Variants in DSCAM observed in about 807,000 individuals in gnomAD.
DSCAM encodes the protein cell adhesion molecule DSCAM.
Under a neutral mutation model 217.7 loss-of-function variants are expected in DSCAM, and 47 were observed. The observed-to-expected ratio is 0.22, with a 90% CI of 0.17 to 0.28. The LOEUF (loss-of-function observed/expected upper bound fraction) is 0.28, where lower values mean the gene tolerates loss of function less well. Among genes scored for constraint, DSCAM ranks in the 10% least tolerant of loss-of-function variants. DSCAM has a pLI of 1.00. For synonymous variants in DSCAM, 1,056 were observed against 1,015.3 expected (o/e 1.04, Z -0.76); for missense variants, 2,080 against 2,618.3 (o/e 0.79, Z 4.49).
intron 5 of DSCAM, among the ~76,000 whole-genome samples, chr21:40,350,111 G>A (rs1054919186): frequency 2.0e-5 from 3 of 151,874 alleles, no homozygotes; most frequent in Non-Finnish European, 4.4e-5. Context: ...CTACAGGTTT[G>A]TTTACACCTT....
chr21:40,471,942 G>A (rs866101232), intron 3 of DSCAM, among the ~76,000 whole-genome samples: 4 of 151,768 alleles, frequency 2.6e-5, no homozygotes, highest in East Asian at 1.9e-4. Flanking sequence ...ATTCCTCCCC[G>A]TTCTCCCCAT....
intron 3 of DSCAM, among the ~76,000 whole-genome samples, chr21:40,644,529 T>A (rs936925389): frequency 1.3e-5 from 2 of 152,194 alleles, no homozygotes; most frequent in Admixed American, 6.5e-5. Context: ...TGGTCCACTG[T>A]GGGCCAAGTC....
At chr21:40,508,537 CATTTTAAAATTAGT>C (rs1457485245) in intron 3 of DSCAM, among the ~76,000 whole-genome samples, 1 of 151,466 alleles carries the variant, frequency 6.6e-6, no homozygotes, top group Non-Finnish European at 1.5e-5. Flanking sequence ...AGACAAACAA[CATTTTAAAATTAGT>C]ATTGCTGTTG....
chr21:40,169,068 AAC>A (rs2090627930), intron 15 of DSCAM, among the ~76,000 whole-genome samples: 1 of 152,204 alleles, frequency 6.6e-6, no homozygotes, highest in Non-Finnish European at 1.5e-5. Flanking sequence ...ACAAAAGGTA[AAC>A]TTGAAGGAAT....
chr21:40,461,548 G>A (rs1278396301), intron 3 of DSCAM, among the ~76,000 whole-genome samples: 1 of 152,072 alleles, frequency 6.6e-6, no homozygotes, highest in African/African-American at 2.4e-5. Flanking sequence ...CTGGGGTCTG[G>A]GGGGAGGCAG....
intron 4 of DSCAM, among the ~76,000 whole-genome samples, chr21:40,363,470 C>T (rs2074791591): frequency 6.6e-6 from 1 of 151,982 alleles, no homozygotes; most frequent in East Asian, 1.9e-4. Flanking sequence ...CCAGGCTGGT[C>T]TTGAACTCCT....
At chr21:40,296,317 C>T (rs1467022622) in intron 9 of DSCAM, 143 bp from the exon 10 acceptor site, 19 of 1,027,030 alleles carry the variant, frequency 1.8e-5, no homozygotes, top group South Asian at 1.9e-5. Flanking sequence ...ACACTATTGG[C>T]AGTTTGGGAC....
chr21:40,463,385 G>A (rs1343014895), intron 3 of DSCAM, among the ~76,000 whole-genome samples: 2 of 152,056 alleles, frequency 1.3e-5, no homozygotes, highest in Non-Finnish European at 1.5e-5. Context: ...AGAAATGCAA[G>A]CCTCACTGCT....
chr21:40,789,189 G>C (rs1601261162), intron 1 of DSCAM, among the ~76,000 whole-genome samples: 1 of 151,212 alleles, frequency 6.6e-6, no homozygotes, highest in East Asian at 1.9e-4. Flanking sequence ...AGAAGACAGA[G>C]AATGAAACCA....
At chr21:40,617,597 C>G (rs2089421159) in intron 3 of DSCAM, among the ~76,000 whole-genome samples, 1 of 152,232 alleles carries the variant, frequency 6.6e-6, no homozygotes, top group Non-Finnish European at 1.5e-5. Flanking sequence ...CATTTGGAGT[C>G]AGACAATTGT....
At chr21:40,751,120 T>G (rs2146561909) in intron 1 of DSCAM, among the ~76,000 whole-genome samples, 1 of 152,288 alleles carries the variant, frequency 6.6e-6, no homozygotes, top group South Asian at 2.1e-4. Flanking sequence ...CCTTGGTGTT[T>G]GCTGTTTGCT....
intron 32 of DSCAM, among the ~76,000 whole-genome samples, chr21:40,040,981 C>T (rs1778359984): frequency 6.6e-6 from 1 of 152,034 alleles, no homozygotes; most frequent in Non-Finnish European, 1.5e-5. Flanking sequence ...CTTGTCTTTT[C>T]CCCTAAGGAG....
At chr21:40,304,347 C>G (rs995605184) in intron 9 of DSCAM, among the ~76,000 whole-genome samples, 1 of 152,242 alleles carries the variant, frequency 6.6e-6, no homozygotes, top group East Asian at 1.9e-4. Flanking sequence ...GGGCCTTGCC[C>G]TGTATCAAGC....
At chr21:40,191,126 T>C (rs2146834761) in intron 11 of DSCAM, among the ~76,000 whole-genome samples, 1 of 152,302 alleles carries the variant, frequency 6.6e-6, no homozygotes, top group Non-Finnish European at 1.5e-5. Flanking sequence ...ACACTGTGGC[T>C]TCTTCTAAGA....
At chr21:40,079,521 G>A (rs527620784) in intron 25 of DSCAM, among the ~76,000 whole-genome samples, 6 of 152,102 alleles carry the variant, frequency 3.9e-5, no homozygotes, top group African/African-American at 1.4e-4. Context: ...CTCATTACTC[G>A]CTCTCCTGCC....
At chr21:40,534,190 T>C (rs1282064680) in intron 3 of DSCAM, among the ~76,000 whole-genome samples, 2 of 152,180 alleles carry the variant, frequency 1.3e-5, no homozygotes, top group African/African-American at 2.4e-5. Flanking sequence ...TTTATGAAAA[T>C]TGACTTTCAT....
In DSCAM at chr21:40,037,680, T is replaced by A. The variant is rs1287605716; in HGVS notation, c.5686+4691A>T. On this transcript the variant is annotated intron_variant, in intron 32 of 32. Transcript: ENST00000400454. ...GGAAGAAACTACTTTAAAGTTCATA[T>A]GGAACCAAAAAAGAGCCCGCATTGC... 2.0e-5 allele frequency among the ~76,000 whole-genome samples: 3 copies of A among 149,576 alleles called. No homozygotes were observed. The East Asian group carries it at 5.8e-4, about 29-fold the overall frequency.
chr21:40,474,258 A>C (rs1478994911), intron 3 of DSCAM, among the ~76,000 whole-genome samples: 1 of 151,932 alleles, frequency 6.6e-6, no homozygotes, highest in Non-Finnish European at 1.5e-5. Flanking sequence ...GCGCCACTGC[A>C]CTCTAGCCTG....
chr21:40,202,422 C>T (rs887920501), intron 11 of DSCAM, among the ~76,000 whole-genome samples: 7 of 152,230 alleles, frequency 4.6e-5, no homozygotes, highest in Non-Finnish European at 1.0e-4. Flanking sequence ...TTGTCTCCAT[C>T]ACCCACTGCA....
Sources: gnomAD v4.1 joint callset for allele counts (sites outside exome capture counted in the v4.1 genomes callset) on GRCh38, gnomAD v4.1.1 for gene constraint, MANE v1.5 for transcripts, NCBI Gene and HGNC (gene_info 2026-07-23, HGNC 2026-07-21) for gene names.